Variants in FANCA observed in about 807,000 individuals in gnomAD.
FANCA encodes the protein FA complementation group A.
In FANCA, 236 loss-of-function variants were observed where a neutral mutation model predicts 194.3. The ratio of observed to expected loss-of-function variants is 1.21; its 90% CI spans 1.09 to 1.35. The LOEUF (loss-of-function observed/expected upper bound fraction) is 1.35. Among genes scored for constraint, FANCA ranks in the 40% most tolerant of loss-of-function variants. The pLI is 0.00. For missense variants in FANCA, 2,628 were observed against 1,813.9 expected, an observed-to-expected ratio of 1.45 and a Z score of -8.15; for synonymous variants, 1,014 against 715.8, an observed-to-expected ratio of 1.42 and a Z score of -6.65.
chr16:89,815,520 T>A (rs1278336312), intron 2 of FANCA, among the ~76,000 whole-genome samples: 2 of 151,728 alleles, frequency 1.3e-5, no homozygotes. Flanking sequence ...CACACCCAGC[T>A]AATTTTTGTA....
intron 28 of FANCA, among the ~76,000 whole-genome samples, chr16:89,762,961 A>G: frequency 6.6e-6 from 1 of 151,174 alleles, no homozygotes; most frequent in East Asian, 1.9e-4. Flanking sequence ...AAAAAAAAAA[A>G]AAAGGGTTGG....
chr16:89,800,459 A>G (rs543829995), intron 8 of FANCA, among the ~76,000 whole-genome samples: 1 of 152,360 alleles, frequency 6.6e-6, no homozygotes, highest in Admixed American at 6.5e-5. Flanking sequence ...CCAAAAGGGA[A>G]TAAAAATTTG....
At chr16:89,806,560 CA>C (rs2040656305) in intron 6 of FANCA, among the ~76,000 whole-genome samples, 1 of 151,590 alleles carries the variant, frequency 6.6e-6, no homozygotes. Flanking sequence ...TCTTAACGAG[CA>C]TGCTGCCTTC....
intron 14 of FANCA, among the ~76,000 whole-genome samples, chr16:89,789,556 T>C (rs2040002027): frequency 6.7e-6 from 1 of 148,520 alleles, no homozygotes; most frequent in African/African-American, 2.5e-5. Context: ...TCATCCTGCC[T>C]CAGCCGGTAA....
At chr16:89,765,120 T>C (rs746397557) in intron 27 of FANCA, 54 bp from the exon 28 acceptor site, 41 of 1,599,530 alleles carry the variant, frequency 2.6e-5, no homozygotes, top group Non-Finnish European at 3.4e-5. Context: ...TCACTGTGAG[T>C]GGCTGAGCAA....
At chr16:89,811,196 G>C in intron 3 of FANCA, 125 bp from the exon 4 acceptor site, 1 of 1,125,884 alleles carries the variant, frequency 8.9e-7, no homozygotes. Context: ...TTTAAACGGG[G>C]AGAATAGATG....
intron 36 of FANCA, chr16:89,744,749 T>G (rs1323463147): frequency 5.0e-6 from 3 of 600,594 alleles, no homozygotes; most frequent in Non-Finnish European, 3.1e-6. Flanking sequence ...CTCCACCTCC[T>G]GGGTTCAACT....
At chr16:89,756,454 C>T (rs1047372217) in intron 30 of FANCA, among the ~76,000 whole-genome samples, 17 of 152,112 alleles carry the variant, frequency 1.1e-4, no homozygotes, top group African/African-American at 3.9e-4. Flanking sequence ...CATGGTGAAA[C>T]CCCATCTCTA....
chr16:89,779,415 C>A (rs906228759), intron 18 of FANCA, among the ~76,000 whole-genome samples: 5 of 152,068 alleles, frequency 3.3e-5, no homozygotes, highest in Admixed American at 3.3e-4. Context: ...TGCTATTCAG[C>A]TCTCTGTTAC....
At chr16:89,773,773 CTTTTTT>C (rs552737101) in intron 21 of FANCA, among the ~76,000 whole-genome samples, 1 of 135,516 alleles carries the variant, frequency 7.4e-6, no homozygotes, top group Non-Finnish European at 1.6e-5. Flanking sequence ...GTTCCTCAAA[CTTTTTT>C]TTTTTTTTTT....
In FANCA at chr16:89,739,526, C is replaced by T. The variant is rs374649848; in HGVS notation, c.3962G>A (p.Arg1321His). ...CCTGGTGTGCTGATCCGGGGCCACA[C>T]GGAGGAGGAGCCGCCCCAGCCTGAG... Reference protein sequence around the residue: ...SDLRLGRLLLRVAPDQHTRLL... With the variant: ...SDLRLGRLLLHVAPDQHTRLL... Residue 1321 changes from arginine to histidine, a missense_variant, in exon 40 of 43, where the codon CGT (arginine) becomes CAT (histidine). By Grantham distance (29) the Arg-to-His change is conservative (BLOSUM62 0). Coordinates refer to ENST00000389301, the MANE Select transcript of FANCA (RefSeq NM_000135.4). 40 of 1,551,202 alleles carry T rather than the reference C, an allele frequency of 2.6e-5. No individual in the cohort carries two copies. In the African/African-American group the frequency reaches 2.6e-4, roughly 10 times the overall value.
At chr16:89,759,853 C>G (rs532942472) in intron 29 of FANCA, among the ~76,000 whole-genome samples, 6 of 152,342 alleles carry the variant, frequency 3.9e-5, no homozygotes, top group African/African-American at 1.4e-4. Context: ...CTCCACACGA[C>G]CCTGCAAATG....
chr16:89,782,867 T>C lies in FANCA; in HGVS notation c.1618A>G (p.Ile540Val). 5 of 1,614,016 alleles carry C rather than the reference T, an allele frequency of 3.1e-6. No homozygotes were observed. The highest frequency in any genetic ancestry group is 4.2e-6 in the Non-Finnish European group (5 of 1,179,854). The change falls in exon 17 of 43, where the codon ATT becomes GTT. Residue 540 changes from isoleucine (I) to valine (V), a missense_variant. Ile to Val is a conservative substitution (Grantham distance 29). Coordinates refer to ENST00000389301, the MANE Select transcript of FANCA (RefSeq NM_000135.4). ...GGCTCAAGCAACATTACCTCAGTAA[T>C]GTCCCCAGCTGATGACAAATCCTCG... ...LYEDLSSAGD[I>V]TEPHSQALQD...
rs760214298 is a variant in FANCA, at chr16:89,778,869, C to T, written c.1777-19G>A. The stretch of plus-strand genomic sequence containing the variant: ...TGGGGAGCTGTGGGAAGAGAAGAGA[C>T]CTGTGAGAGACTGACAAGGAAAGTC... On this transcript the variant is annotated intron_variant, in intron 19 of 42. Transcript: ENST00000389301. The T allele has an allele frequency of 2.5e-6, 4 of 1,613,850 alleles. No homozygotes were observed. The African/African-American group carries it at 4.0e-5, about 16-fold the overall frequency.
At position 89,793,083 on chromosome 16, in the gene FANCA, G is replaced by A. The variant is rs571144011; in HGVS notation, c.1007-536C>T. On this transcript the variant is annotated intron_variant, in intron 11 of 42. Transcript: ENST00000389301. ...ATCACAGGGAGACGGTTAGGCCTCC[G>A]GATAACTGTGGGTGAGCCTGACTGA... is the stretch of plus-strand genomic sequence containing the variant. Among the ~76,000 whole-genome samples, 8 of 152,310 alleles carry A rather than the reference G, an allele frequency of 5.3e-5. No homozygotes were observed. In the South Asian group the frequency reaches 8.3e-4, roughly 16 times the overall value.
At chr16:89,816,166 C>T (rs575760540) in intron 1 of FANCA, 180 bp from the exon 2 acceptor site, 57 of 654,998 alleles carry the variant, frequency 8.7e-5, no homozygotes, top group South Asian at 8.6e-4. Flanking sequence ...ACCGCGGACG[C>T]CGGGGAAGAC....
chr16:89,795,615 G>GT (rs2040218394), intron 11 of FANCA, among the ~76,000 whole-genome samples: 1 of 152,214 alleles, frequency 6.6e-6, no homozygotes, highest in Non-Finnish European at 1.5e-5. Context: ...TCCAGCATGG[G>GT]CAAGTGAGTG....
intron 1 of FANCA, 121 bp from the exon 2 acceptor site, chr16:89,816,107 G>A (rs1396501030): frequency 6.6e-6 from 5 of 761,728 alleles, no homozygotes; most frequent in Non-Finnish European, 1.2e-5. Context: ...AGAGGGGCCG[G>A]GGCTCCTCCC....
At position 89,814,580 on chromosome 16, in the gene FANCA, T is replaced by A; in HGVS notation, c.223A>T (p.Ser75Cys). 6.2e-7 allele frequency: 1 copy of A among 1,613,966 alleles called. No individual in the cohort carries two copies. The highest frequency in any genetic ancestry group is 8.5e-7 in the Non-Finnish European group (1 of 1,179,836). Residue 75 changes from serine (S) to cysteine (C), a missense_variant, in exon 3 of 43, where the codon AGC becomes TGC. Transcript: ENST00000389301. Reference protein sequence around the residue: ...EGPLCKKLSLSKVIDCDSSEA... With the variant: ...EGPLCKKLSLCKVIDCDSSEA... ...GAACTGTCACAGTCAATCACTTTGCTGAGAGACAATTTTTTACACAGTGGA... is the reference window on the plus strand; with the variant it reads ...GAACTGTCACAGTCAATCACTTTGCAGAGAGACAATTTTTTACACAGTGGA...
Sources: gnomAD v4.1 joint callset for allele counts (sites outside exome capture counted in the v4.1 genomes callset) on GRCh38, gnomAD v4.1.1 for gene constraint, MANE v1.5 for transcripts, NCBI Gene and HGNC (gene_info 2026-07-23, HGNC 2026-07-21) for gene names.